The following KHDRBS2 variants were observed in gnomAD, a reference collection of about 807,000 sequenced individuals.
KHDRBS2 encodes the protein KH domain-containing, RNA-binding, signal transduction-associated protein 2.
Under a neutral mutation model 44.3 loss-of-function variants are expected in KHDRBS2, and 26 were observed. The observed-to-expected ratio is 0.59, with a 90% CI of 0.43 to 0.81. KHDRBS2 has a LOEUF of 0.81. Among genes scored for constraint, KHDRBS2 ranks in the 40% least tolerant of loss-of-function variants. The probability of loss-of-function intolerance (pLI) is 0.00; values close to 1 mark genes in which losing one functional copy is unlikely to be tolerated. For missense variants in KHDRBS2, 476 were observed against 433.1 expected (o/e 1.10, Z -0.88); for synonymous variants, 194 against 151.1 (o/e 1.28, Z -2.08).
At chr6:61,657,819 T>C in the KHDRBS2 span, among the ~76,000 whole-genome samples, 8 of 152,004 alleles carry the variant, frequency 5.3e-5, no homozygotes, top group Admixed American at 3.3e-4. Context: ...TTCCTTCCCT[T>C]GTCTTTTTCT....
chr6:61,934,195 G>C (rs1421538415), intron 4 of KHDRBS2, among the ~76,000 whole-genome samples: 2 of 151,834 alleles, frequency 1.3e-5, no homozygotes, highest in Non-Finnish European at 2.9e-5. Context: ...ATATATTTTG[G>C]ATATTAACCC....
chr6:61,905,301 A>T (rs1442555988), intron 4 of KHDRBS2, among the ~76,000 whole-genome samples: 1 of 152,158 alleles, frequency 6.6e-6, no homozygotes, highest in African/African-American at 2.4e-5. Context: ...AGGGTATGAG[A>T]GAGAGAGAAT....
chr6:61,742,291 G>A (rs556454782), intron 6 of KHDRBS2, among the ~76,000 whole-genome samples: 100 of 152,058 alleles, frequency 6.6e-4, no homozygotes, highest in African/African-American at 2.3e-3. Flanking sequence ...TGCATAGAAT[G>A]TCTACTTCAT....
At chr6:62,260,891 T>C (rs1838225617) in intron 1 of KHDRBS2, among the ~76,000 whole-genome samples, 1 of 151,950 alleles carries the variant, frequency 6.6e-6, no homozygotes, top group South Asian at 2.1e-4. Flanking sequence ...AATAACAAAA[T>C]CATAATTTAA....
At chr6:61,604,275 G>T in the KHDRBS2 span, among the ~76,000 whole-genome samples, 5 of 126,102 alleles carry the variant, frequency 4.0e-5, no homozygotes, top group Non-Finnish European at 6.9e-5. Flanking sequence ...GTCATTCACT[G>T]CAAGGGTCAT....
At position 61,939,779 on chromosome 6, in the gene KHDRBS2, A is replaced by T. The variant is rs545145378; in HGVS notation, c.483+38287T>A. 2.6e-5 allele frequency among the ~76,000 whole-genome samples: 4 copies of T among 152,338 alleles called. No homozygotes were observed. In the South Asian group the frequency reaches 8.3e-4, roughly 32 times the overall value. On this transcript the variant is annotated intron_variant, in intron 4 of 8. Coordinates refer to ENST00000281156, the MANE Select transcript of KHDRBS2 (RefSeq NM_152688.4). ...AAACTCTGGAAAGAAACCAAAGTAC[A>T]TACTGGTTCATTAGACATTGAAAGG...
In KHDRBS2 at chr6:62,286,088, A is replaced by AT. The variant is rs1180807383; in HGVS notation, c.-141dup. On this transcript the variant is annotated 5_prime_UTR_variant, in exon 1 of 9. It adds an upstream start codon to the 5' untranslated region. Transcript: ENST00000281156. The stretch of plus-strand genomic sequence containing the variant: ...GATCTCTGTGCGTCCTCACTGGCCC[A>AT]TGCACCCAGCACCTGCGACTCCCGC... The AT allele has an allele frequency of 4.8e-6, 3 of 630,578 alleles. No individual in the cohort carries two copies. The highest frequency in any genetic ancestry group is 1.9e-5 in the African/African-American group (1 of 52,710). 39.1% of individuals were successfully genotyped at this position (630,578 alleles called of 1,614,324 possible).
intron 8 of KHDRBS2, 114 bp from the exon 9 acceptor site, chr6:61,681,174 C>T (rs781748574): frequency 1.1e-4 from 78 of 681,570 alleles, no homozygotes; most frequent in Non-Finnish European, 8.5e-5. Context: ...CAACACCGAA[C>T]GCTAAAGCCT....
Position 61,737,969 on chromosome 6 carries a change from C to G in KHDRBS2, c.811-5205G>C, listed in dbSNP as rs191214612. Among the ~76,000 whole-genome samples the G allele has an allele frequency of 2.0e-5, 3 of 151,738 alleles. No homozygotes were observed. The East Asian group carries it at 5.8e-4, about 29-fold the overall frequency. ...GATAAATCACTAAAATAGACATGCT[C>G]CCTAAAAAGCCAGTCAGTATCTGCC... On this transcript the variant is annotated intron_variant, in intron 6 of 8. Coordinates refer to ENST00000281156, the MANE Select transcript of KHDRBS2 (RefSeq NM_152688.4).
At chr6:62,106,544 T>A (rs1438239887) in intron 2 of KHDRBS2, among the ~76,000 whole-genome samples, 1 of 152,186 alleles carries the variant, frequency 6.6e-6, no homozygotes, top group Non-Finnish European at 1.5e-5. Flanking sequence ...GAGGAACTGG[T>A]ACCTTTCCTT....
intron 6 of KHDRBS2, among the ~76,000 whole-genome samples, chr6:61,814,836 G>A (rs1788661615): frequency 6.6e-6 from 1 of 151,946 alleles, no homozygotes; most frequent in African/African-American, 2.4e-5. Flanking sequence ...TTATACAGTT[G>A]TTCCTCAGCA....
chr6:61,955,150 GTGTA>G (rs1478972133), intron 4 of KHDRBS2, among the ~76,000 whole-genome samples: 8 of 139,258 alleles, frequency 5.7e-5, no homozygotes, highest in South Asian at 2.3e-4. Flanking sequence ...ACACATACGT[GTGTA>G]TGTATGTATA....
At chr6:61,823,358 G>T (rs1418270937) in intron 6 of KHDRBS2, among the ~76,000 whole-genome samples, 2 of 152,012 alleles carry the variant, frequency 1.3e-5, no homozygotes, top group African/African-American at 4.8e-5. Context: ...TACATTTTCT[G>T]ATAAAGCATG....
intron 6 of KHDRBS2, among the ~76,000 whole-genome samples, chr6:61,817,227 A>T (rs1562239441): frequency 6.6e-6 from 1 of 151,996 alleles, no homozygotes; most frequent in Non-Finnish European, 1.5e-5. Flanking sequence ...CAAGTTTTTT[A>T]AAAAAGCACT....
At chr6:61,919,980 C>T (rs1385014665) in intron 4 of KHDRBS2, among the ~76,000 whole-genome samples, 2 of 151,678 alleles carry the variant, frequency 1.3e-5, no homozygotes, top group African/African-American at 2.4e-5. Context: ...TTATGGATTT[C>T]GAGTTGGAAC....
intron 6 of KHDRBS2, among the ~76,000 whole-genome samples, chr6:61,740,864 C>G (rs1432466627): frequency 1.3e-5 from 2 of 151,952 alleles, no homozygotes; most frequent in South Asian, 2.1e-4. Context: ...GAAGCTTAGA[C>G]AGTTTGAGCT....
intron 2 of KHDRBS2, among the ~76,000 whole-genome samples, chr6:62,144,057 T>A (rs1206743819): frequency 6.6e-6 from 1 of 151,880 alleles, no homozygotes; most frequent in African/African-American, 2.4e-5. Context: ...ACCAAAAACA[T>A]CTTTCAAAAT....
At chr6:62,069,597 G>A (rs955739783) in intron 2 of KHDRBS2, among the ~76,000 whole-genome samples, 1 of 151,746 alleles carries the variant, frequency 6.6e-6, no homozygotes, top group Non-Finnish European at 1.5e-5. Context: ...AGAACTGTGA[G>A]AGATCACTTT....
At chr6:62,129,379 A>T (rs1033238134) in intron 2 of KHDRBS2, among the ~76,000 whole-genome samples, 2 of 152,172 alleles carry the variant, frequency 1.3e-5, no homozygotes, top group Non-Finnish European at 2.9e-5. Context: ...GGTGAAAAAA[A>T]GTGCAGTCAT....
Sources: allele counts gnomAD v4.1 joint callset (sites outside exome capture counted in the v4.1 genomes callset), GRCh38; gene constraint gnomAD v4.1.1; transcripts MANE v1.5; gene names NCBI Gene and HGNC (gene_info 2026-07-23, HGNC 2026-07-21).